Variants in C5orf47 observed in about 807,000 individuals in gnomAD.
C5orf47 encodes uncharacterized protein C5orf47.
In C5orf47, 20 loss-of-function variants were observed where a neutral mutation model predicts 20.6. The observed-to-expected ratio is 0.97, with a 90% CI of 0.68 to 1.41. The LOEUF (loss-of-function observed/expected upper bound fraction) is 1.41. C5orf47 is among the 40% of genes most tolerant of loss of function. The pLI, the probability that C5orf47 is intolerant of heterozygous loss-of-function variation, is 0.00. For synonymous variants in C5orf47, 106 were observed against 97.3 expected, an observed-to-expected ratio of 1.09 and a Z score of -0.53; for missense variants, 262 against 238.4, an observed-to-expected ratio of 1.10 and a Z score of -0.65.
Position 173,992,823 on chromosome 5 carries a change from GC to G in C5orf47, c.325+3237del, listed in dbSNP as rs1299274048. Among the ~76,000 whole-genome samples the G allele has an allele frequency of 2.6e-5, 4 of 152,214 alleles. No homozygotes were observed. In the East Asian group the frequency reaches 7.7e-4, roughly 29 times the overall value. ...GTGATCAGAGAGTATTGTTTGTGATGCCTTCATTTTATGGATGTTACTGGTA... is the reference window on the plus strand; with the variant it reads ...GTGATCAGAGAGTATTGTTTGTGATGCTTCATTTTATGGATGTTACTGGTA... On this transcript the variant is annotated intron_variant, in intron 1 of 4. Transcript: ENST00000340147.
chr5:174,006,319 G>C (rs1759292964), downstream of C5orf47, among the ~76,000 whole-genome samples: 1 of 152,192 alleles, frequency 6.6e-6, no homozygotes, highest in South Asian at 2.1e-4. Context: ...TGCAGTGGTT[G>C]TTTCATGCTT....
At chr5:173,991,606 A>G (rs933564063) in intron 1 of C5orf47, among the ~76,000 whole-genome samples, 1 of 151,820 alleles carries the variant, frequency 6.6e-6, no homozygotes, top group African/African-American at 2.4e-5. Context: ...ATTAATATGG[A>G]ATGTAATATA....
chr5:174,000,453 GATAAAT>G (rs1759175555), intron 3 of C5orf47, among the ~76,000 whole-genome samples: 1 of 152,090 alleles, frequency 6.6e-6, no homozygotes, highest in African/African-American at 2.4e-5. Context: ...AATGTGAATT[GATAAAT>G]CACAAGTTAT....
chr5:174,009,430 A>G (rs1203484188), downstream of C5orf47, among the ~76,000 whole-genome samples: 2 of 152,114 alleles, frequency 1.3e-5, no homozygotes, highest in Non-Finnish European at 2.9e-5. Flanking sequence ...GAATGCTTAC[A>G]TTATTGAGAC....
rs977426885 is a variant in C5orf47 at position 174,005,424 on chromosome 5, C to T, written c.*1170C>T. ...GTAACTTAATTACTTCAGGAGACTA[C>T]GACAGTGTAGAATTTGTGGTAACAT... is the stretch of plus-strand genomic sequence containing the variant. On this transcript the variant is annotated 3_prime_UTR_variant, in exon 5 of 5. Transcript: ENST00000340147. 5 of 152,262 alleles carry T rather than the reference C, an allele frequency of 3.3e-5. No individual in the cohort carries two copies. The highest frequency in any genetic ancestry group is 1.9e-4 in the East Asian group (1 of 5,322). The allele number at this position is 152,262 out of a possible 1,614,324, so 9.4% of individuals were successfully genotyped here. A position where few individuals can be genotyped will look rare whatever the true frequency, so the allele number is the denominator to read the frequency against.
Position 173,989,468 on chromosome 5 carries a change from C to G in C5orf47, c.205C>G (p.Leu69Val). 3 of 1,549,350 alleles carry G rather than the reference C, an allele frequency of 1.9e-6. No homozygotes were observed. The highest frequency in any genetic ancestry group is 1.7e-6 in the Non-Finnish European group (2 of 1,146,124). The stretch of plus-strand genomic sequence containing the variant: ...GGCGGGCGTTCAGGGTGGCAGCGAG[C>G]TGCCCCTCGGTTCCCAGCTCAGGGT... ...AVAGVQGGSE[L>V]PLGSQLRVPT... The change falls in exon 1 of 5, where the codon CTG (leucine) becomes GTG (valine). Residue 69 changes from leucine to valine, a missense_variant. Transcript: ENST00000340147.
chr5:174,007,962 A>C (rs181914717), downstream of C5orf47, among the ~76,000 whole-genome samples: 13 of 152,342 alleles, frequency 8.5e-5, no homozygotes, highest in East Asian at 2.5e-3. Context: ...TATGCTGATC[A>C]GCAGAACAAG....
chr5:174,000,043 G>T (rs902203799), intron 3 of C5orf47, among the ~76,000 whole-genome samples: 4 of 152,116 alleles, frequency 2.6e-5, no homozygotes, highest in Admixed American at 6.5e-5. Context: ...GTGTTGACTG[G>T]AATTTACTGA....
downstream of C5orf47, among the ~76,000 whole-genome samples, chr5:174,007,390 T>C (rs1759308081): frequency 6.6e-6 from 1 of 152,224 alleles, no homozygotes; most frequent in Admixed American, 6.5e-5. Flanking sequence ...TGAACACAGC[T>C]GCTTTGCTAG....
intron 4 of C5orf47, among the ~76,000 whole-genome samples, chr5:174,002,388 G>A (rs1375557997): frequency 6.6e-6 from 1 of 152,110 alleles, no homozygotes; most frequent in African/African-American, 2.4e-5. Context: ...TACTGAGATA[G>A]TATTTCAAAG....
At chr5:174,006,824 C>G (rs1759299648), downstream of C5orf47, among the ~76,000 whole-genome samples, 1 of 152,148 alleles carries the variant, frequency 6.6e-6, no homozygotes, top group Non-Finnish European at 1.5e-5. Context: ...AAATGTGCTT[C>G]TTGGATTTCC....
At chr5:174,003,417 G>A (rs1759232852) in intron 4 of C5orf47, among the ~76,000 whole-genome samples, 1 of 152,142 alleles carries the variant, frequency 6.6e-6, no homozygotes, top group Non-Finnish European at 1.5e-5. Flanking sequence ...AGTTTTGAGA[G>A]TGAATAAGAA....
Position 173,999,777 on chromosome 5 carries a change from A to G in C5orf47, c.489A>G (p.Lys163=). ...EENEKYRHRL[K]CQRLSSESSN... ...ATGAAAAATATAGACACAGGCTGAAATGCCAAAGGTTATCTAGTGAAAGTA... is the reference window on the plus strand; with the variant it reads ...ATGAAAAATATAGACACAGGCTGAAGTGCCAAAGGTTATCTAGTGAAAGTA... Residue 163 remains lysine (K), a synonymous_variant, in exon 3 of 5, where the codon AAA becomes AAG. Transcript: ENST00000340147. 6.5e-7 allele frequency: 1 copy of G among 1,534,456 alleles called. No individual in the cohort carries two copies. Among genetic ancestry groups the G allele is most frequent in the Non-Finnish European group, 8.8e-7 (1 of 1,134,606 alleles).
intron 1 of C5orf47, among the ~76,000 whole-genome samples, chr5:173,992,516 G>A (rs1256383504): frequency 2.0e-5 from 3 of 151,840 alleles, no homozygotes; most frequent in African/African-American, 7.3e-5. Flanking sequence ...CTTTCTTTTG[G>A]TTTACTTTGT....
chr5:174,008,465 C>T (rs1051213498), downstream of C5orf47, among the ~76,000 whole-genome samples: 25 of 152,186 alleles, frequency 1.6e-4, 1 homozygote, highest in African/African-American at 2.4e-5. Context: ...TATGGAAAGC[C>T]TAACACGGGC....
At chr5:173,995,686 T>C (rs1484138932) in intron 1 of C5orf47, among the ~76,000 whole-genome samples, 2 of 152,196 alleles carry the variant, frequency 1.3e-5, no homozygotes, top group Non-Finnish European at 2.9e-5. Context: ...CAGAGATGAC[T>C]TGAAGGGAAG....
chr5:173,998,135 T>G lies in C5orf47; in HGVS notation c.326-18T>G. 1 of 1,433,036 alleles carries G rather than the reference T, an allele frequency of 7.0e-7. No individual in the cohort carries two copies. The highest frequency in any genetic ancestry group is 1.3e-5 in the South Asian group (1 of 79,134). 88.8% of individuals were successfully genotyped at this position (1,433,036 alleles called of 1,614,324 possible). A position where few individuals can be genotyped will look rare whatever the true frequency, so the allele number is the denominator to read the frequency against. ...TCCTTATATATGTTGACCTTTTCAC[T>G]TTCTTCTTAAAAATTAGGTTTAATC... On this transcript the variant is annotated intron_variant, in intron 1 of 4. Transcript: ENST00000340147.
downstream of C5orf47, among the ~76,000 whole-genome samples, chr5:174,007,559 C>CTT (rs113925593): frequency 0.036 from 5,034 of 138,876 alleles, 132 homozygotes; most frequent in Non-Finnish European, 0.043. Flanking sequence ...ACTCTCCTAC[C>CTT]TTTTTTTTTT....
At chr5:173,991,507 GTTT>G (rs553188666) in intron 1 of C5orf47, among the ~76,000 whole-genome samples, 2 of 137,844 alleles carry the variant, frequency 1.5e-5, no homozygotes, top group African/African-American at 5.2e-5. Flanking sequence ...TTCAGTGTTT[GTTT>G]TTTTTTTTTT....
Sources: gnomAD v4.1 joint callset for allele counts (sites outside exome capture counted in the v4.1 genomes callset) on GRCh38, gnomAD v4.1.1 for gene constraint, MANE v1.5 for transcripts, NCBI Gene and HGNC (gene_info 2026-07-23, HGNC 2026-07-21) for gene names.